Variants in GAS2L3 observed in about 807,000 individuals in gnomAD.
GAS2L3 encodes GAS2-like protein 3.
Under a neutral mutation model 37.0 loss-of-function variants are expected in GAS2L3, and 28 were observed. The observed-to-expected ratio is 0.76, with a 90% confidence interval of 0.56 to 1.04. The LOEUF (loss-of-function observed/expected upper bound fraction) is 1.04, where lower values mean the gene tolerates loss of function less well. Among genes scored for constraint, GAS2L3 ranks in the 50% least tolerant of loss-of-function variants. GAS2L3 has a pLI of 0.00. For missense variants in GAS2L3, 793 were observed against 817.6 expected, an observed-to-expected ratio of 0.97 and a Z score of 0.37; for synonymous variants, 290 against 296.6, an observed-to-expected ratio of 0.98 and a Z score of 0.23.
At chr12:100,578,838 C>T in intron 1 of GAS2L3, 2 of 705,654 alleles carry the variant, frequency 2.8e-6, no homozygotes, top group South Asian at 3.0e-5. Flanking sequence ...AGAACCCATA[C>T]CCATAATATA....
At chr12:100,585,579 G>A (rs576770049) in intron 1 of GAS2L3, among the ~76,000 whole-genome samples, 66 of 152,244 alleles carry the variant, frequency 4.3e-4, no homozygotes, top group African/African-American at 1.6e-3. Flanking sequence ...ACCCATGTAT[G>A]CTGTGTATCC....
chr12:100,618,118 G>A (rs559767030), intron 7 of GAS2L3, among the ~76,000 whole-genome samples: 54 of 152,116 alleles, frequency 3.5e-4, no homozygotes, highest in Non-Finnish European at 3.2e-4. Context: ...TCTGAACACA[G>A]AGAGGATCTG....
At chr12:100,586,559 A>G (rs948415930) in intron 1 of GAS2L3, among the ~76,000 whole-genome samples, 1 of 152,140 alleles carries the variant, frequency 6.6e-6, no homozygotes, top group African/African-American at 2.4e-5. Context: ...ACCTATCAAA[A>G]CCTCTAGGAT....
At position 100,573,716 on chromosome 12, in the gene GAS2L3, G is replaced by T; in HGVS notation, c.-221G>T. ...GGCGGCAGCGGCGGCGGTTGGTCAGGGGCGTGTTGGCCCCGCACAGATTGA... is the reference window on the plus strand; with the variant it reads ...GGCGGCAGCGGCGGCGGTTGGTCAGTGGCGTGTTGGCCCCGCACAGATTGA... On this transcript the variant is annotated 5_prime_UTR_variant, in exon 1 of 10. Transcript: ENST00000547754. 6.3e-6 allele frequency: 1 copy of T among 158,808 alleles called. No individual in the cohort carries two copies. The highest frequency in any genetic ancestry group is 1.4e-5 in the Non-Finnish European group (1 of 72,898). The allele number at this position is 158,808 out of a possible 1,614,324, so 9.8% of individuals were successfully genotyped here.
intron 1 of GAS2L3, among the ~76,000 whole-genome samples, chr12:100,576,359 G>A (rs1338316596): frequency 6.6e-6 from 1 of 152,108 alleles, no homozygotes. Context: ...GAAAGTAAGA[G>A]ATTAAACTTA....
intron 6 of GAS2L3, among the ~76,000 whole-genome samples, chr12:100,613,824 G>T (rs1293790124): frequency 6.6e-6 from 1 of 151,968 alleles, no homozygotes; most frequent in African/African-American, 2.4e-5. Context: ...TCAATCTCCT[G>T]ACCTCATGAT....
chr12:100,623,582 C>G lies in GAS2L3; in HGVS notation c.777C>G (p.Val259=). 1.2e-6 allele frequency: 2 copies of G among 1,602,950 alleles called. No individual in the cohort carries two copies. The highest frequency in any genetic ancestry group is 1.7e-6 in the Non-Finnish European group (2 of 1,175,062). The change falls in exon 10 of 10, where the codon GTC becomes GTG. Residue 259 remains valine (V), a synonymous_variant. Coordinates refer to ENST00000547754, the MANE Select transcript of GAS2L3 (RefSeq NM_174942.3). ...LFIRMLHGKH[V]MVRVGGGWDT... ...GGCAGATGCTTCATGGAAAACATGT[C>G]ATGGTTCGCGTTGGTGGAGGCTGGG...
At chr12:100,578,912 C>T (rs1479793395) in intron 1 of GAS2L3, 10 of 877,028 alleles carry the variant, frequency 1.1e-5, no homozygotes, top group Non-Finnish European at 1.9e-5. Context: ...TTACCAGCTC[C>T]CTCAGTGCCT....
intron 5 of GAS2L3, among the ~76,000 whole-genome samples, chr12:100,606,608 C>T (rs186645088): frequency 6.6e-6 from 1 of 151,832 alleles, no homozygotes; most frequent in East Asian, 1.9e-4. Context: ...GTGATTTTCT[C>T]TGGTGGTATG....
At chr12:100,586,096 G>A (rs1955777931) in intron 1 of GAS2L3, among the ~76,000 whole-genome samples, 2 of 152,006 alleles carry the variant, frequency 1.3e-5, no homozygotes, top group African/African-American at 2.4e-5. Flanking sequence ...ATTCATTAGG[G>A]GCTTCCATTG....
Position 100,618,560 on chromosome 12 carries a change from C to T in GAS2L3, c.621C>T (p.Cys207=). Residue 207 remains cysteine (C), a synonymous_variant, in exon 8 of 10, where the codon TGC becomes TGT. Coordinates refer to ENST00000547754, the MANE Select transcript of GAS2L3 (RefSeq NM_174942.3). ...ATTCCATCAGCATTCCAAAATCATGCTGTCGGCATGAAGAGCTACATGAAG... is the reference window on the plus strand; with the variant it reads ...ATTCCATCAGCATTCCAAAATCATGTTGTCGGCATGAAGAGCTACATGAAG... ...PEDSISIPKS[C]CRHEELHEAV... is the part of the protein sequence containing the mutation. The T allele has an allele frequency of 1.2e-6, 2 of 1,611,904 alleles. No individual in the cohort carries two copies. The highest frequency in any genetic ancestry group is 1.7e-6 in the Non-Finnish European group (2 of 1,179,068).
chr12:100,622,360 G>A lies in GAS2L3; in HGVS notation c.734G>A (p.Gly245Glu), dbSNP rs750074512. Reference protein sequence around the residue: ...EYLSEGRYRLGDKILFIRMLH... With the variant: ...EYLSEGRYRLEDKILFIRMLH... ...TTATCTGAAGGACGGTACCGACTAG[G>A]GGATAAAATACTCTTTATAAGAGTA... Residue 245 changes from glycine to glutamate, a missense_variant, in exon 9 of 10, where the codon GGG becomes GAG. Gly to Glu is a moderately conservative substitution (Grantham distance 98). Coordinates refer to ENST00000547754, the MANE Select transcript of GAS2L3 (RefSeq NM_174942.3). 1.9e-6 allele frequency: 3 copies of A among 1,561,524 alleles called. No individual in the cohort carries two copies. Among genetic ancestry groups the A allele is most frequent in the Middle Eastern group, 1.7e-4 (1 of 5,918 alleles).
At position 100,624,452 on chromosome 12, in the gene GAS2L3, C is replaced by T. The variant is rs377035931; in HGVS notation, c.1647C>T (p.Val549=). The T allele has an allele frequency of 5.0e-6, 8 of 1,614,022 alleles. No homozygotes were observed. The highest frequency in any genetic ancestry group is 6.8e-6 in the Non-Finnish European group (8 of 1,180,004). The stretch of plus-strand genomic sequence containing the variant: ...ATGGAGCCCCACAAGCAAAGCCAGT[C>T]CCAGCACAGAAACTTAAATCGGCCT... ...PSDGAPQAKP[V]PAQKLKSALN... Residue 549 remains valine (V), a synonymous_variant, in exon 10 of 10, where the codon GTC becomes GTT. Transcript: ENST00000547754.
intron 1 of GAS2L3, among the ~76,000 whole-genome samples, chr12:100,583,353 A>G (rs1955737408): frequency 6.6e-6 from 1 of 152,234 alleles, no homozygotes; most frequent in Non-Finnish European, 1.5e-5. Context: ...CATGGAGTTT[A>G]CTTAAGATGT....
At chr12:100,597,004 A>G (rs1422097878) in intron 3 of GAS2L3, among the ~76,000 whole-genome samples, 1 of 151,958 alleles carries the variant, frequency 6.6e-6, no homozygotes, top group Non-Finnish European at 1.5e-5. Context: ...ACTAATTTCT[A>G]CTGACTAGCC....
At chr12:100,619,479 T>C (rs148054891) in intron 8 of GAS2L3, among the ~76,000 whole-genome samples, 68 of 152,180 alleles carry the variant, frequency 4.5e-4, no homozygotes, top group African/African-American at 1.2e-3. Context: ...CTAATAAACA[T>C]TTTAAAAGTA....
chr12:100,607,520 C>A (rs1956072329), intron 5 of GAS2L3, among the ~76,000 whole-genome samples: 1 of 149,672 alleles, frequency 6.7e-6, no homozygotes, highest in Admixed American at 6.6e-5. Flanking sequence ...CTATCCCCAT[C>A]TCTCTCTCTC....
In GAS2L3 at chr12:100,612,016, A is replaced by G; in HGVS notation, c.320A>G (p.Lys107Arg). The G allele has an allele frequency of 2.5e-6, 4 of 1,608,210 alleles. No individual in the cohort carries two copies. Among genetic ancestry groups the G allele is most frequent in the Non-Finnish European group, 3.4e-6 (4 of 1,176,358 alleles). ...SEESGNFPMR[K>R]VPCKKDAASG... ...CTTTTCCAGAATTTTCCAATGAGAA[A>G]AGTGCCCTGTAAGAAAGATGCTGCA... The change falls in exon 6 of 10, where the codon AAA becomes AGA. Residue 107 changes from lysine to arginine, a missense_variant. By Grantham distance (26) the Lys-to-Arg change is conservative. Transcript: ENST00000547754.
chr12:100,581,245 G>T (rs1955708460), intron 1 of GAS2L3, among the ~76,000 whole-genome samples: 3 of 152,152 alleles, frequency 2.0e-5, no homozygotes. Context: ...TGTGCAAAAG[G>T]CTTTATTTCA....
Sources: gnomAD v4.1 joint callset for allele counts (sites outside exome capture counted in the v4.1 genomes callset) on GRCh38, gnomAD v4.1.1 for gene constraint, MANE v1.5 for transcripts, NCBI Gene and HGNC (gene_info 2026-07-23, HGNC 2026-07-21) for gene names.